Variants in COIL observed in about 807,000 individuals in gnomAD.
COIL encodes the protein coilin p80.
COIL carries 28 observed loss-of-function variants against 51.6 expected under a neutral mutation model. The ratio of observed to expected loss-of-function variants is 0.54; its 90% CI spans 0.40 to 0.74. The LOEUF is 0.74. COIL is among the 30% of genes least tolerant of loss of function. The pLI, the probability that COIL is intolerant of heterozygous loss-of-function variation, is 0.00. For synonymous variants in COIL, 233 were observed against 255.8 expected (o/e 0.91, Z 0.85); for missense variants, 667 against 685.9 (o/e 0.97, Z 0.31).
At chr17:56,941,077 C>A (rs755412404) in intron 6 of COIL, 2 of 139,428 alleles carry the variant, frequency 1.4e-5, no homozygotes, top group African/African-American at 2.7e-5. Flanking sequence ...GCGGAGCTTG[C>A]AGTGAGCGGA....
At chr17:56,953,123 A>T (rs1910404172) in intron 1 of COIL, among the ~76,000 whole-genome samples, 1 of 151,786 alleles carries the variant, frequency 6.6e-6, no homozygotes, top group South Asian at 2.1e-4. Context: ...ACAAAATACA[A>T]ACATCAGGCT....
intron 1 of COIL, among the ~76,000 whole-genome samples, chr17:56,960,534 A>AAATAATAAT (rs1567855961): frequency 9.0e-6 from 1 of 111,380 alleles, no homozygotes; most frequent in Non-Finnish European, 1.9e-5. Context: ...AAAAAAAAAA[A>AAATAATAAT]AATAATAATA....
At chr17:56,940,811 C>G (rs1598091501) in intron 6 of COIL, among the ~76,000 whole-genome samples, 2 of 152,218 alleles carry the variant, frequency 1.3e-5, no homozygotes, top group South Asian at 2.1e-4. Flanking sequence ...TAGCCACTGC[C>G]AGCAACTCTG....
rs1910349748 is a variant in COIL at position 56,950,671 on chromosome 17, A to G, written c.571T>C (p.Cys191Arg). ...KRKSPKKKEKCEYKKKAKNPK... is the reference protein window; with the variant it reads ...KRKSPKKKEKREYKKKAKNPK... ...TTCTTAGCCTTTTTTTTATATTCAC[A>G]TTTCTCCTTTTTCTTTGGTGATTTT... Residue 191 changes from cysteine (C) to arginine (R), a missense_variant, in exon 2 of 7, where the codon TGT becomes CGT. By Grantham distance (180) the Cys-to-Arg change is radical (BLOSUM62 -3). Coordinates refer to ENST00000240316, the MANE Select transcript of COIL (RefSeq NM_004645.3). 9 of 1,608,288 alleles carry G rather than the reference A, an allele frequency of 5.6e-6. No individual in the cohort carries two copies. Among genetic ancestry groups the G allele is most frequent in the Non-Finnish European group, 7.6e-6 (9 of 1,178,620 alleles).
At chr17:56,957,241 T>C (rs116865914) in intron 1 of COIL, among the ~76,000 whole-genome samples, 1 of 151,548 alleles carries the variant, frequency 6.6e-6, no homozygotes. Context: ...AGTGAGACCC[T>C]GTCTCAAAAA....
At chr17:56,951,969 T>C (rs1269205545) in intron 1 of COIL, 1 of 183,956 alleles carries the variant, frequency 5.4e-6, no homozygotes, top group Non-Finnish European at 1.1e-5. Flanking sequence ...CCTCGCTAAT[T>C]TTTGTATTTT....
rs140130561 is a variant in COIL, at chr17:56,950,751, C to T, written c.491G>A (p.Arg164Lys). Reference protein sequence around the residue: ...TDQTVSKKNKRKNKATCGTVG... With the variant: ...TDQTVSKKNKKKNKATCGTVG... Reference sequence around the variant, plus strand: ...TGTGCCACAGGTTGCTTTATTTTTTCTCTTGTTTTTTTTGCTGACAGTCTG... The same window carrying T: ...TGTGCCACAGGTTGCTTTATTTTTTTTCTTGTTTTTTTTGCTGACAGTCTG... Residue 164 changes from arginine (R) to lysine (K), a missense_variant, in exon 2 of 7, where the codon AGA (arginine) becomes AAA (lysine). By Grantham distance (26) the Arg-to-Lys change is conservative (BLOSUM62 2). Transcript: ENST00000240316. The T allele has an allele frequency of 2.8e-4, 452 of 1,613,692 alleles. 1 individual carries two copies. The African/African-American group carries it at 5.2e-3, about 18-fold the overall frequency.
intron 1 of COIL, among the ~76,000 whole-genome samples, chr17:56,956,550 C>G (rs1910487386): frequency 6.6e-6 from 1 of 152,164 alleles, no homozygotes; most frequent in African/African-American, 2.4e-5. Context: ...GCCAACATGC[C>G]TGGCCCATCT....
chr17:56,938,595 G>C lies in COIL; in HGVS notation c.*476C>G, dbSNP rs1463497357. The C allele has an allele frequency of 3.3e-5, 5 of 152,356 alleles. No individual in the cohort carries two copies. The highest frequency in any genetic ancestry group is 4.8e-5 in the African/African-American group (2 of 41,422). 9.4% of individuals were successfully genotyped at this position (152,356 alleles called of 1,614,324 possible). The stretch of plus-strand genomic sequence containing the variant: ...AACTACCTGTTAACTCTTAACAATT[G>C]CAAGTATAAAATACTTGAAATTTAC... On this transcript the variant is annotated 3_prime_UTR_variant, in exon 7 of 7. Coordinates refer to ENST00000240316, the MANE Select transcript of COIL (RefSeq NM_004645.3).
rs1910079170 is a variant in COIL at position 56,938,353 on chromosome 17, T to G, written c.*718A>C. ...GGAAGTTTCTGTTCAAGATCCTCAC[T>G]CCAGCACACTCAGCCAGGTGCCTGG... On this transcript the variant is annotated 3_prime_UTR_variant, in exon 7 of 7. Coordinates refer to ENST00000240316, the MANE Select transcript of COIL (RefSeq NM_004645.3). 6.6e-6 allele frequency: 1 copy of G among 152,226 alleles called. No individual in the cohort carries two copies. The highest frequency in any genetic ancestry group is 2.4e-5 in the African/African-American group (1 of 41,452). The allele number at this position is 152,226 out of a possible 1,614,324, so 9.4% of individuals were successfully genotyped here.
chr17:56,944,202 A>T (rs1217047033), intron 5 of COIL, among the ~76,000 whole-genome samples: 5 of 152,152 alleles, frequency 3.3e-5, no homozygotes, highest in Non-Finnish European at 7.3e-5. Context: ...ACAAGCACTG[A>T]TCAGGCTGTA....
chr17:56,939,596 C>T (rs1005872505), intron 6 of COIL, among the ~76,000 whole-genome samples: 4 of 151,988 alleles, frequency 2.6e-5, no homozygotes, highest in South Asian at 2.1e-4. Flanking sequence ...AAAAATTAGC[C>T]GGGCATGGTG....
intron 1 of COIL, among the ~76,000 whole-genome samples, chr17:56,953,010 G>A (rs1330038824): frequency 6.6e-6 from 1 of 152,160 alleles, no homozygotes; most frequent in Non-Finnish European, 1.5e-5. Flanking sequence ...AGGCACAGTG[G>A]CTCATGCCTA....
intron 1 of COIL, among the ~76,000 whole-genome samples, chr17:56,956,410 TTTTG>T (rs1299914633): frequency 7.4e-5 from 11 of 149,054 alleles, no homozygotes; most frequent in African/African-American, 9.8e-5. Context: ...AGCTAATTTT[TTTTG>T]TTTGTTTTTT....
chr17:56,955,604 C>T (rs1910468549), intron 1 of COIL, among the ~76,000 whole-genome samples: 1 of 152,148 alleles, frequency 6.6e-6, no homozygotes, highest in African/African-American at 2.4e-5. Context: ...CAGCCTTTCT[C>T]ATCTATAAAA....
chr17:56,954,136 T>C (rs1443662306), intron 1 of COIL, among the ~76,000 whole-genome samples: 5 of 152,202 alleles, frequency 3.3e-5, no homozygotes, highest in Non-Finnish European at 7.3e-5. Flanking sequence ...GTTCAGTCAC[T>C]GTGGTTTATT....
At chr17:56,940,011 AG>A (rs138909155) in intron 6 of COIL, 1,677 of 152,290 alleles carry the variant, frequency 0.011, 32 homozygotes, top group African/African-American at 0.039. Flanking sequence ...ACCTAAAAAC[AG>A]GAACTATTTC....
intron 1 of COIL, chr17:56,952,068 C>G (rs1910383293): frequency 1.4e-5 from 4 of 294,200 alleles, no homozygotes; most frequent in South Asian, 1.2e-4. Flanking sequence ...CTTGGCCTCT[C>G]AAAGTGCTGA....
At chr17:56,959,476 T>C (rs1319024842) in intron 1 of COIL, among the ~76,000 whole-genome samples, 1 of 152,214 alleles carries the variant, frequency 6.6e-6, no homozygotes, top group African/African-American at 2.4e-5. Context: ...TGCTCCTGGA[T>C]ACTCATCTCA....
Sources: gnomAD v4.1 joint callset for allele counts (sites outside exome capture counted in the v4.1 genomes callset) on GRCh38, gnomAD v4.1.1 for gene constraint, MANE v1.5 for transcripts, NCBI Gene and HGNC (gene_info 2026-07-23, HGNC 2026-07-21) for gene names.